Variants in TCP11L2 observed in about 807,000 individuals in gnomAD.
TCP11L2 encodes the protein t-complex 11 like 2.
Under a neutral mutation model 50.7 loss-of-function variants are expected in TCP11L2, and 39 were observed. The ratio of observed to expected loss-of-function variants is 0.77; its 90% CI spans 0.60 to 1.01. The LOEUF (loss-of-function observed/expected upper bound fraction) is 1.01, where lower values mean the gene tolerates loss of function less well. Among genes scored for constraint, TCP11L2 ranks in the 50% least tolerant of loss-of-function variants. The probability of loss-of-function intolerance (pLI) is 0.00; values close to 1 mark genes in which losing one functional copy is unlikely to be tolerated. For synonymous variants in TCP11L2, 192 were observed against 219.3 expected (o/e 0.88, Z 1.10); for missense variants, 612 against 614.7 (o/e 1.00, Z 0.05).
rs1309694889 is a variant in TCP11L2, at chr12:106,314,568, T to TGAGAGAGA, written c.293+76_293+77insAGAGAGAG. 78 of 1,005,202 alleles carry TGAGAGAGA rather than the reference T, an allele frequency of 7.8e-5. No homozygotes were observed. In the East Asian group the frequency reaches 1.3e-3, roughly 16 times the overall value. 62.3% of individuals were successfully genotyped at this position (1,005,202 alleles called of 1,614,324 possible). Reference sequence around the variant, plus strand: ...GTGTGTGTGTGTGTGTGTGTGTGTGTGTGTGTGTGAGAGAGAGAGAGAGAG... The same window carrying TGAGAGAGA: ...GTGTGTGTGTGTGTGTGTGTGTGTGTGAGAGAGAGTGTGTGTGAGAGAGAGAGAGAGAG... On this transcript the variant is annotated intron_variant, in intron 3 of 9. Transcript: ENST00000299045.
At chr12:106,333,974 G>A (rs1565857469) in intron 6 of TCP11L2, among the ~76,000 whole-genome samples, 1 of 152,178 alleles carries the variant, frequency 6.6e-6, no homozygotes, top group Non-Finnish European at 1.5e-5. Context: ...TGGGGTATGG[G>A]CGGAAATAGA....
chr12:106,329,238 A>G, intron 6 of TCP11L2: 3 of 1,462,876 alleles, frequency 2.1e-6, no homozygotes, highest in South Asian at 1.2e-5. Flanking sequence ...TTAAATCCCC[A>G]GTACTTGGTA....
At chr12:106,327,918 T>TA (rs2035614630) in intron 6 of TCP11L2, among the ~76,000 whole-genome samples, 1 of 152,206 alleles carries the variant, frequency 6.6e-6, no homozygotes, top group Admixed American at 6.5e-5. Flanking sequence ...AGCAACAAGA[T>TA]AACCACATTA....
rs753498446 is a variant in TCP11L2 at position 106,346,438 on chromosome 12, G to C, written c.1468G>C (p.Val490Leu). 1 of 1,614,036 alleles carries C rather than the reference G, an allele frequency of 6.2e-7. No individual in the cohort carries two copies. The highest frequency in any genetic ancestry group is 1.3e-5 in the African/African-American group (1 of 74,916). ...AAACATTGTGAATCTCAACAAACAAGTGTATGGACCATTTTATGCAAATAT... is the reference window on the plus strand; with the variant it reads ...AAACATTGTGAATCTCAACAAACAACTGTATGGACCATTTTATGCAAATAT... ...YANIVNLNKQ[V>L]YGPFYANILR... The change falls in exon 10 of 10, where the codon GTG becomes CTG. Residue 490 changes from valine (V) to leucine (L), a missense_variant. Coordinates refer to ENST00000299045, the MANE Select transcript of TCP11L2 (RefSeq NM_152772.3).
At chr12:106,317,692 A>G (rs2035148338) in intron 3 of TCP11L2, among the ~76,000 whole-genome samples, 1 of 152,024 alleles carries the variant, frequency 6.6e-6, no homozygotes, top group East Asian at 1.9e-4. Context: ...CTCGTCAGTA[A>G]TTACAGTGGA....
At chr12:106,333,780 A>G (rs566592497) in intron 6 of TCP11L2, among the ~76,000 whole-genome samples, 5 of 152,324 alleles carry the variant, frequency 3.3e-5, no homozygotes, top group South Asian at 2.1e-4. Flanking sequence ...GACTGTACAT[A>G]TAACAGGTAT....
chr12:106,330,386 A>C (rs181167116), intron 6 of TCP11L2: 1 of 889,476 alleles, frequency 1.1e-6, no homozygotes, highest in South Asian at 5.2e-5. Flanking sequence ...CCCGCCCCAC[A>C]ACATTTGGCC....
intron 2 of TCP11L2, among the ~76,000 whole-genome samples, chr12:106,311,856 T>C (rs992432213): frequency 3.3e-5 from 5 of 152,122 alleles, no homozygotes; most frequent in Non-Finnish European, 7.4e-5. Flanking sequence ...GGCACTTTAT[T>C]TAGTAAATAT....
chr12:106,335,556 C>G, intron 6 of TCP11L2, 83 bp from the exon 7 acceptor site: 1 of 1,432,784 alleles, frequency 7.0e-7, no homozygotes, highest in East Asian at 2.3e-5. Context: ...TGCCCAGCAC[C>G]CAACACAGCA....
intron 5 of TCP11L2, among the ~76,000 whole-genome samples, chr12:106,322,273 G>GTCC (rs1422043305): frequency 3.9e-5 from 6 of 152,086 alleles, no homozygotes; most frequent in African/African-American, 1.4e-4. Flanking sequence ...GGTCCTTACA[G>GTCC]TCCTCTCCAT....
chr12:106,302,331 GCCC>G (rs559059036), upstream of TCP11L2, among the ~76,000 whole-genome samples: 11 of 9,694 alleles, frequency 1.1e-3, no homozygotes, highest in Non-Finnish European at 2.1e-3. Flanking sequence ...CCCCCGCTCA[GCCC>G]CCGCTCAGCC....
chr12:106,319,538 A>T (rs912424166), intron 4 of TCP11L2, among the ~76,000 whole-genome samples: 3 of 152,030 alleles, frequency 2.0e-5, no homozygotes, highest in African/African-American at 7.2e-5. Context: ...AAGCGCAGAG[A>T]CTCTGGTTTA....
chr12:106,298,461 T>TG (rs2034376065), upstream of TCP11L2, among the ~76,000 whole-genome samples: 1 of 152,184 alleles, frequency 6.6e-6, no homozygotes, highest in Non-Finnish European at 1.5e-5. Context: ...CACCTGAAGA[T>TG]GGACAGGGGA....
In TCP11L2 at chr12:106,340,836, T is replaced by G. The variant is rs1565861848; in HGVS notation, c.1153T>G (p.Leu385Val). ...TTTTATGTTTCATAGGACCTTTAAC[T>G]TGAAGGAAGTCCTGAATTCTATTGG... ...LEGMNKETFNLKEVLNSIGIQ... is the reference protein window; with the variant it reads ...LEGMNKETFNVKEVLNSIGIQ... The change falls in exon 9 of 10, where the codon TTG becomes GTG. Residue 385 changes from leucine to valine, a missense_variant. Coordinates refer to ENST00000299045, the MANE Select transcript of TCP11L2 (RefSeq NM_152772.3). 5 of 1,594,016 alleles carry G rather than the reference T, an allele frequency of 3.1e-6. No individual in the cohort carries two copies. In the African/African-American group the frequency reaches 5.4e-5, roughly 17 times the overall value.
In TCP11L2 at chr12:106,314,403, C is replaced by G. The variant is rs554702005; in HGVS notation, c.203C>G (p.Thr68Arg). The G allele has an allele frequency of 1.2e-6, 2 of 1,613,240 alleles. No individual in the cohort carries two copies. The highest frequency in any genetic ancestry group is 2.2e-5 in the South Asian group (2 of 91,054). The change falls in exon 3 of 10, where the codon ACA becomes AGA. Residue 68 changes from threonine (T) to arginine (R), a missense_variant. By Grantham distance (71) the Thr-to-Arg change is moderately conservative. Coordinates refer to ENST00000299045, the MANE Select transcript of TCP11L2 (RefSeq NM_152772.3). ...GTAACATTTGATGAAGTGATGGCTA[C>G]AGCAAGGAACTTATCAAACTTGACT... ...RVVTFDEVMA[T>R]ARNLSNLTLA...
Position 106,318,416 on chromosome 12 carries a change from C to A in TCP11L2, c.366C>A (p.Asp122Glu). 6.2e-7 allele frequency: 1 copy of A among 1,614,074 alleles called. No individual in the cohort carries two copies. Among genetic ancestry groups the A allele is most frequent in the Middle Eastern group, 1.7e-4 (1 of 6,060 alleles). The change falls in exon 4 of 10, where the codon GAC becomes GAA. Residue 122 changes from aspartate to glutamate, a missense_variant. Coordinates refer to ENST00000299045, the MANE Select transcript of TCP11L2 (RefSeq NM_152772.3). The part of the protein sequence containing the change: ...WDVLDSELNA[D>E]PPEFEHAIKL... ...TCTTGGATTCAGAACTAAATGCTGA[C>A]CCTCCTGAGTTTGAACATGCCATCA...
At chr12:106,329,536 A>C (rs2035674482) in intron 6 of TCP11L2, 1 of 1,449,206 alleles carries the variant, frequency 6.9e-7, no homozygotes. Context: ...GTTTAAACAC[A>C]GAGGCCTGAG....
intron 1 of TCP11L2, chr12:106,303,645 TG>T (rs1214945427): frequency 6.6e-6 from 1 of 152,242 alleles, no homozygotes; most frequent in African/African-American, 2.4e-5. Context: ...GTGGCACCAC[TG>T]GGGGTAATAG....
intron 8 of TCP11L2, among the ~76,000 whole-genome samples, chr12:106,339,393 C>T (rs2036021888): frequency 6.6e-6 from 1 of 152,116 alleles, no homozygotes; most frequent in African/African-American, 2.4e-5. Flanking sequence ...TTGTTGAATG[C>T]ATAGTTTGCA....
Sources: gnomAD v4.1 joint callset for allele counts (sites outside exome capture counted in the v4.1 genomes callset) on GRCh38, gnomAD v4.1.1 for gene constraint, MANE v1.5 for transcripts, NCBI Gene and HGNC (gene_info 2026-07-23, HGNC 2026-07-21) for gene names.